Variants in RNF5 observed in about 807,000 individuals in gnomAD.
RNF5 encodes the protein E3 ubiquitin-protein ligase RNF5.
RNF5 carries 16 observed loss-of-function variants against 24.4 expected under a neutral mutation model. The observed-to-expected ratio is 0.66, with a 90% confidence interval of 0.44 to 1.00. RNF5 has a LOEUF of 1.00. Among genes scored for constraint, RNF5 ranks in the 50% least tolerant of loss-of-function variants. RNF5 has a pLI of 0.00. For synonymous variants in RNF5, 64 were observed against 88.5 expected, an observed-to-expected ratio of 0.72 and a Z score of 1.55; for missense variants, 185 against 236.7, an observed-to-expected ratio of 0.78 and a Z score of 1.43.
chr6:32,179,682 G>A lies in RNF5; in HGVS notation c.191G>A (p.Cys64Tyr). ...GAGACACGGCCAGAACGGCAAGAGT[G>A]TCCAGTATGTAAAGCTGGGATCAGC... Reference protein sequence around the residue: ...WLETRPERQECPVCKAGISRE... With the variant: ...WLETRPERQEYPVCKAGISRE... Residue 64 changes from cysteine (C) to tyrosine (Y), a missense_variant, in exon 3 of 6, where the codon TGT (cysteine) becomes TAT (tyrosine). Cys to Tyr is a radical substitution (Grantham distance 194). Transcript: ENST00000375094. This position sits in a 1 kb window ranked among gnomAD's most constrained non-coding sequence, Gnocchi z 5.4. 2 of 1,614,146 alleles carry A rather than the reference G, an allele frequency of 1.2e-6. No individual in the cohort carries two copies. Among genetic ancestry groups the A allele is most frequent in the South Asian group, 1.1e-5 (1 of 91,086 alleles).
rs995796280 is a variant in RNF5 at position 32,179,446 on chromosome 6, G to T, written c.141-95G>T. 66 of 1,500,644 alleles carry T rather than the reference G, an allele frequency of 4.4e-5. No individual in the cohort carries two copies. The highest frequency in any genetic ancestry group is 5.8e-5 in the Non-Finnish European group (63 of 1,084,940). 93.0% of individuals were successfully genotyped at this position (1,500,644 alleles called of 1,614,324 possible). The stretch of plus-strand genomic sequence containing the variant: ...TGAAAAGCAACAGCAGGTTGCTTGG[G>T]AAGAGGGGTTAGATGGGATTCTGCG... On this transcript the variant is annotated intron_variant, in intron 1 of 5. Coordinates refer to ENST00000375094, the MANE Select transcript of RNF5 (RefSeq NM_006913.4). This position sits in a 1 kb window ranked among gnomAD's most constrained non-coding sequence, Gnocchi z 5.4.
rs762608675 is a variant in RNF5 at position 32,179,953 on chromosome 6, T to G, written c.327+22T>G. 1.2e-6 allele frequency: 2 copies of G among 1,614,216 alleles called. No homozygotes were observed. Among genetic ancestry groups the G allele is most frequent in the Non-Finnish European group, 1.7e-6 (2 of 1,180,030 alleles). On this transcript the variant is annotated intron_variant, in intron 4 of 5. Coordinates refer to ENST00000375094, the MANE Select transcript of RNF5 (RefSeq NM_006913.4). This position sits in a 1 kb window ranked among gnomAD's most constrained non-coding sequence, Gnocchi z 5.4. Reference sequence around the variant, plus strand: ...AGGGGTGAGTCTTCTTGTCCAGTTGTGTCCCTTCCTTGACAGATTTGCCGG... The same window carrying G: ...AGGGGTGAGTCTTCTTGTCCAGTTGGGTCCCTTCCTTGACAGATTTGCCGG...
At position 32,179,830 on chromosome 6, in the gene RNF5, A is replaced by G; in HGVS notation, c.273-47A>G. 1 of 1,613,620 alleles carries G rather than the reference A, an allele frequency of 6.2e-7. No homozygotes were observed. The highest frequency in any genetic ancestry group is 8.5e-7 in the Non-Finnish European group (1 of 1,179,572). On this transcript the variant is annotated intron_variant, in intron 3 of 5. Coordinates refer to ENST00000375094, the MANE Select transcript of RNF5 (RefSeq NM_006913.4). The surrounding 1 kb of genome is among the most constrained non-coding windows in gnomAD (Gnocchi z 5.4). ...CTGCCCTTGGAAAACGGTGTGGAAG[A>G]TGGGAGGAGAAAAATCCCTGTTAAC...
chr6:32,178,990 T>G (rs926563884), intron 1 of RNF5, among the ~76,000 whole-genome samples: 1 of 151,346 alleles, frequency 6.6e-6, no homozygotes, highest in Non-Finnish European at 1.5e-5. Flanking sequence ...GACACAAAGG[T>G]TAAGGGAGGC....
rs1359858537 is a variant in RNF5, at chr6:32,180,218, C to T, written c.446-11C>T. On this transcript the variant is annotated splice_polypyrimidine_tract_variant and intron_variant, in intron 5 of 5. Transcript: ENST00000375094. ...GAGCATATGCTTCCACAGCTTTCCT[C>T]TCTCCCACAGGTGTGGATCTGGGAC... 1.9e-6 allele frequency: 3 copies of T among 1,612,252 alleles called. No homozygotes were observed. Among genetic ancestry groups the T allele is most frequent in the East Asian group, 4.5e-5 (2 of 44,900 alleles).
chr6:32,180,055 G>T lies in RNF5; in HGVS notation c.374G>T (p.Gly125Val). 6.2e-7 allele frequency: 1 copy of T among 1,614,156 alleles called. No individual in the cohort carries two copies. Among genetic ancestry groups the T allele is most frequent in the Non-Finnish European group, 8.5e-7 (1 of 1,180,020 alleles). ...ACCGGGGGCTTCCACTTCTCATTTGGTGTTGGTGCTTTTCCCTTTGGCTTT... is the reference window on the plus strand; with the variant it reads ...ACCGGGGGCTTCCACTTCTCATTTGTTGTTGGTGCTTTTCCCTTTGGCTTT... Reference protein sequence around the residue: ...GDTGGFHFSFGVGAFPFGFFT... With the variant: ...GDTGGFHFSFVVGAFPFGFFT... Residue 125 changes from glycine to valine, a missense_variant, in exon 5 of 6, where the codon GGT becomes GTT. By Grantham distance (109) the Gly-to-Val change is moderately radical. Coordinates refer to ENST00000375094, the MANE Select transcript of RNF5 (RefSeq NM_006913.4).
Position 32,179,779 on chromosome 6 carries a change from T to G in RNF5, c.272+16T>G. The G allele has an allele frequency of 8.7e-6, 14 of 1,613,418 alleles. No homozygotes were observed. Among genetic ancestry groups the G allele is most frequent in the Non-Finnish European group, 1.2e-5 (14 of 1,179,516 alleles). On this transcript the variant is annotated intron_variant, in intron 3 of 5. Transcript: ENST00000375094. This position sits in a 1 kb window ranked among gnomAD's most constrained non-coding sequence, Gnocchi z 5.4. ...AGGATCCCAGGTGAGAGACTGGAGG[T>G]GTTGCTTAGGGAAGATTGAAGGCTT...
In RNF5 at chr6:32,178,473, G is replaced by C. The variant is rs192954285; in HGVS notation, c.-39G>C. 197 of 1,525,922 alleles carry C rather than the reference G, an allele frequency of 1.3e-4. No homozygotes were observed. The highest frequency in any genetic ancestry group is 1.6e-4 in the Non-Finnish European group (184 of 1,136,926). The allele number at this position is 1,525,922 out of a possible 1,614,324, so 94.5% of individuals were successfully genotyped here. A position where few individuals can be genotyped will look rare whatever the true frequency, so the allele number is the denominator to read the frequency against. Reference sequence around the variant, plus strand: ...GTTGGGGCGTGTGTATGTGTATTTGGGGGGACTGAAGGGTACGTGGGGCGA... The same window carrying C: ...GTTGGGGCGTGTGTATGTGTATTTGCGGGGACTGAAGGGTACGTGGGGCGA... On this transcript the variant is annotated 5_prime_UTR_variant, in exon 1 of 6. Transcript: ENST00000375094.
intron 1 of RNF5, 76 bp downstream of exon 1, chr6:32,178,727 C>T: frequency 1.4e-6 from 2 of 1,426,234 alleles, no homozygotes; most frequent in Non-Finnish European, 1.9e-6. Flanking sequence ...AATAATCATA[C>T]AGTCATACAG....
chr6:32,180,222 C>T lies in RNF5; in HGVS notation c.446-7C>T. Reference sequence around the variant, plus strand: ...ATATGCTTCCACAGCTTTCCTCTCTCCCACAGGTGTGGATCTGGGACAGGG... The same window carrying T: ...ATATGCTTCCACAGCTTTCCTCTCTTCCACAGGTGTGGATCTGGGACAGGG... On this transcript the variant is annotated splice_region_variant and splice_polypyrimidine_tract_variant and intron_variant, in intron 5 of 5. Coordinates refer to ENST00000375094, the MANE Select transcript of RNF5 (RefSeq NM_006913.4). The T allele has an allele frequency of 6.2e-7, 1 of 1,612,476 alleles. No individual in the cohort carries two copies. Among genetic ancestry groups the T allele is most frequent in the Non-Finnish European group, 8.5e-7 (1 of 1,179,628 alleles).
rs1785879665 is a variant in RNF5, at chr6:32,179,397, G to C, written c.141-144G>C. The C allele has an allele frequency of 3.2e-6, 3 of 951,256 alleles. No individual in the cohort carries two copies. The highest frequency in any genetic ancestry group is 5.0e-6 in the Non-Finnish European group (3 of 598,120). The allele number at this position is 951,256 out of a possible 1,614,324, so 58.9% of individuals were successfully genotyped here. A position where few individuals can be genotyped will look rare whatever the true frequency, so the allele number is the denominator to read the frequency against. ...GCAGGAAGGCTAACTAAGTTGGCTGGCATGGTAGAGGTTGCAGAAAATCTG... is the reference window on the plus strand; with the variant it reads ...GCAGGAAGGCTAACTAAGTTGGCTGCCATGGTAGAGGTTGCAGAAAATCTG... On this transcript the variant is annotated intron_variant, in intron 1 of 5. Transcript: ENST00000375094. The surrounding 1 kb of genome is among the most constrained non-coding windows in gnomAD (Gnocchi z 5.4).
In RNF5 at chr6:32,179,970, A is replaced by C. The variant is rs1212100113; in HGVS notation, c.327+39A>C. On this transcript the variant is annotated intron_variant, in intron 4 of 5. Coordinates refer to ENST00000375094, the MANE Select transcript of RNF5 (RefSeq NM_006913.4). The surrounding 1 kb of genome is among the most constrained non-coding windows in gnomAD (Gnocchi z 5.4). ...TCCAGTTGTGTCCCTTCCTTGACAG[A>C]TTTGCCGGCTTCCTGTCTGACTTTT... 3 of 1,614,052 alleles carry C rather than the reference A, an allele frequency of 1.9e-6. No homozygotes were observed. The highest frequency in any genetic ancestry group is 2.5e-6 in the Non-Finnish European group (3 of 1,180,024).
intron 1 of RNF5, 74 bp downstream of exon 1, chr6:32,178,725 T>A: frequency 7.0e-7 from 1 of 1,426,820 alleles, no homozygotes; most frequent in Non-Finnish European, 9.6e-7. Flanking sequence ...CGAATAATCA[T>A]ACAGTCATAC....
In RNF5 at chr6:32,178,407, A is replaced by T; in HGVS notation, c.-105A>T. ...ACCAATAGTGATTAGGAAACCTTGA[A>T]GCCTGCCCAACGATCGTGGGCAGGA... is the stretch of plus-strand genomic sequence containing the variant. On this transcript the variant is annotated 5_prime_UTR_variant, in exon 1 of 6. The change creates a new upstream start codon in the 5' untranslated region. Transcript: ENST00000375094. 7 of 920,750 alleles carry T rather than the reference A, an allele frequency of 7.6e-6. No homozygotes were observed. Among genetic ancestry groups the T allele is most frequent in the African/African-American group, 1.7e-5 (1 of 59,938 alleles). 57.0% of individuals were successfully genotyped at this position (920,750 alleles called of 1,614,324 possible).
At position 32,179,903 on chromosome 6, in the gene RNF5, G is replaced by A; in HGVS notation, c.299G>A (p.Gly100Asp). The A allele has an allele frequency of 1.2e-5, 19 of 1,614,190 alleles. No homozygotes were observed. The highest frequency in any genetic ancestry group is 1.5e-5 in the Non-Finnish European group (18 of 1,180,034). ...TTAAAAACTCCACCCCGCCCCCAGG[G>A]CCAGAGACCAGCTCCGGAGAGCAGA... ...PRLKTPPRPQ[G>D]QRPAPESRGG... is the part of the protein sequence containing the mutation. The change falls in exon 4 of 6, where the codon GGC (glycine) becomes GAC (aspartate). Residue 100 changes from glycine to aspartate, a missense_variant. By Grantham distance (94) the Gly-to-Asp change is moderately conservative. Transcript: ENST00000375094. The surrounding 1 kb of genome is among the most constrained non-coding windows in gnomAD (Gnocchi z 5.4).
chr6:32,178,867 CGTGAT>C (rs1785831030), intron 1 of RNF5, among the ~76,000 whole-genome samples: 1 of 151,804 alleles, frequency 6.6e-6, no homozygotes, highest in African/African-American at 2.4e-5. Context: ...AGCTGAGGCA[CGTGAT>C]GTGCTGAGAA....
chr6:32,180,254 A>G lies in RNF5; in HGVS notation c.471A>G (p.Pro157=), dbSNP rs1062070. ...GTGVDLGQGH[P]ASSWQDSLFL... The stretch of plus-strand genomic sequence containing the variant: ...GTGTGGATCTGGGACAGGGTCACCC[A>G]GCCTCCAGCTGGCAGGATTCCCTCT... The change falls in exon 6 of 6, where the codon CCA becomes CCG. Residue 157 remains proline (P), a synonymous_variant. Transcript: ENST00000375094. The G allele has an allele frequency of 0.17, 276,465 of 1,610,544 alleles. 25,815 individuals are homozygous for G. Among genetic ancestry groups the G allele is most frequent in the Non-Finnish European group, 0.19 (224,686 of 1,178,528 alleles).
Position 32,180,330 on chromosome 6 carries a change from A to G in RNF5, c.*4A>G. On this transcript the variant is annotated 3_prime_UTR_variant, in exon 6 of 6. Coordinates refer to ENST00000375094, the MANE Select transcript of RNF5 (RefSeq NM_006913.4). ...TTTTTGGCTGCTCAGTATTTGAGCT[A>G]TGTCTGCTTCCTGCCCACCTCCAGC... 6.2e-7 allele frequency: 1 copy of G among 1,601,956 alleles called. No homozygotes were observed. Among genetic ancestry groups the G allele is most frequent in the Non-Finnish European group, 8.5e-7 (1 of 1,178,626 alleles).
rs1785849921 is a variant in RNF5, at chr6:32,179,070, G to A, written c.140+419G>A. Among the ~76,000 whole-genome samples, 1 of 152,130 alleles carries A rather than the reference G, an allele frequency of 6.6e-6. No individual in the cohort carries two copies. The highest frequency in any genetic ancestry group is 1.5e-5 in the Non-Finnish European group (1 of 68,018). ...TCAGATGAGATCTGGGAGGGGGCTG[G>A]TATAAGGGCACTGTGGAGAGGCAGA... is the stretch of plus-strand genomic sequence containing the variant. On this transcript the variant is annotated intron_variant, in intron 1 of 5. Transcript: ENST00000375094. The surrounding 1 kb of genome is among the most constrained non-coding windows in gnomAD (Gnocchi z 5.4).
Sources: allele counts gnomAD v4.1 joint callset (sites outside exome capture counted in the v4.1 genomes callset), GRCh38; gene constraint gnomAD v4.1.1; non-coding constraint Gnocchi (gnomAD v3.1); transcripts MANE v1.5; gene names NCBI Gene and HGNC (gene_info 2026-07-23, HGNC 2026-07-21).